The following PDPR variants were observed in gnomAD, a reference collection of about 807,000 sequenced individuals.
PDPR encodes pyruvate dehydrogenase phosphatase regulatory subunit.
Under a neutral mutation model 102.2 loss-of-function variants are expected in PDPR, and 50 were observed. The observed-to-expected ratio is 0.49, with a 90% CI of 0.39 to 0.62. The LOEUF (loss-of-function observed/expected upper bound fraction) is 0.62, where lower values mean the gene tolerates loss of function less well. Among genes scored for constraint, PDPR ranks in the 20% least tolerant of loss-of-function variants. The pLI, the probability that PDPR is intolerant of heterozygous loss-of-function variation, is 0.00. For synonymous variants in PDPR, 259 were observed against 406.0 expected (o/e 0.64, Z 4.35); for missense variants, 625 against 1,098.2 (o/e 0.57, Z 6.09).
chr16:70,132,543 CT>C (rs1196841240), intron 9 of PDPR, among the ~76,000 whole-genome samples: 167 of 148,528 alleles, frequency 1.1e-3, no homozygotes, highest in African/African-American at 2.9e-3. Context: ...CTTAGTTTTA[CT>C]TTTTTTTTTT....
intron 11 of PDPR, among the ~76,000 whole-genome samples, chr16:70,139,323 C>T (rs1373354321): frequency 1.3e-5 from 2 of 152,226 alleles, no homozygotes; most frequent in Non-Finnish European, 2.9e-5. Context: ...CCCGGTCTGC[C>T]TTGAGAGACC....
In PDPR at chr16:70,157,381, T is replaced by C; in HGVS notation, c.*502T>C. Reference sequence around the variant, plus strand: ...TGCAGCCCGGCAGCTCGTTCTCCTGTTCTGCTGTGCTGTGGGCTGGCACTC... The same window carrying C: ...TGCAGCCCGGCAGCTCGTTCTCCTGCTCTGCTGTGCTGTGGGCTGGCACTC... On this transcript the variant is annotated 3_prime_UTR_variant, in exon 19 of 19. Coordinates refer to ENST00000288050, the MANE Select transcript of PDPR (RefSeq NM_017990.5). The C allele has an allele frequency of 8.1e-6, 3 of 368,636 alleles. No homozygotes were observed. Among genetic ancestry groups the C allele is most frequent in the South Asian group, 6.1e-5 (3 of 49,030 alleles). The allele number at this position is 368,636 out of a possible 1,614,324, so 22.8% of individuals were successfully genotyped here. A position where few individuals can be genotyped will look rare whatever the true frequency, so the allele number is the denominator to read the frequency against.
At chr16:70,148,688 CTGAT>C (rs2152114140) in intron 17 of PDPR, 135 bp downstream of exon 17, 1 of 737,400 alleles carries the variant, frequency 1.4e-6, no homozygotes, top group East Asian at 2.8e-5. Flanking sequence ...AGAGCTGTAT[CTGAT>C]TGGGCCTTGG....
chr16:70,126,819 C>A (rs1964025773), intron 3 of PDPR, among the ~76,000 whole-genome samples: 1 of 152,268 alleles, frequency 6.6e-6, no homozygotes, highest in Non-Finnish European at 1.5e-5. Flanking sequence ...AGCCACTGTG[C>A]CTGGCCTAAA....
Position 70,161,952 on chromosome 16 carries a change from A to T in PDPR, c.*5073A>T, listed in dbSNP as rs888724476. 1.3e-5 allele frequency: 2 copies of T among 152,346 alleles called. No individual in the cohort carries two copies. The highest frequency in any genetic ancestry group is 6.5e-5 in the Admixed American group (1 of 15,278). 9.4% of individuals were successfully genotyped at this position (152,346 alleles called of 1,614,324 possible). On this transcript the variant is annotated 3_prime_UTR_variant, in exon 19 of 19. Coordinates refer to ENST00000288050, the MANE Select transcript of PDPR (RefSeq NM_017990.5). ...GGTTTTTTAGCATCTCTTTCAAAAG[A>T]TGTATGTCAGAATTTCCTTTGCACA...
intron 18 of PDPR, among the ~76,000 whole-genome samples, chr16:70,155,768 T>C (rs1397511249): frequency 6.6e-6 from 1 of 152,202 alleles, no homozygotes; most frequent in African/African-American, 2.4e-5. Flanking sequence ...TGAATATAGA[T>C]GTGCATGGTC....
At chr16:70,119,558 CT>C (rs1340250986) in intron 2 of PDPR, among the ~76,000 whole-genome samples, 1 of 148,592 alleles carries the variant, frequency 6.7e-6, no homozygotes, top group Non-Finnish European at 1.5e-5. Flanking sequence ...TGCCGGCCTC[CT>C]TTTTGTTCTT....
chr16:70,153,553 T>G lies in PDPR; in HGVS notation c.2215T>G (p.Ser739Ala). The change falls in exon 18 of 19, where the codon TCT becomes GCT. Residue 739 changes from serine to alanine, a missense_variant. Physicochemically the swap from Ser to Ala is moderately conservative, Grantham distance 99. Around this residue, in one of 11 missense-constraint regions of PDPR, gnomAD observed 303 missense variants for 258.9 expected, o/e 1.17. Coordinates refer to ENST00000288050, the MANE Select transcript of PDPR (RefSeq NM_017990.5). ...CACGCCCCTGGAATGTGGACGAGAG[T>G]CTCGGGTGAAATTAGAGAAGGTACT... The part of the protein sequence containing the change: ...LTTPLECGRE[S>A]RVKLEKGMDF... 2 of 1,607,152 alleles carry G rather than the reference T, an allele frequency of 1.2e-6. No homozygotes were observed. The highest frequency in any genetic ancestry group is 8.5e-7 in the Non-Finnish European group (1 of 1,177,398).
At chr16:70,116,145 C>T (rs888294737) in intron 2 of PDPR, among the ~76,000 whole-genome samples, 1 of 147,862 alleles carries the variant, frequency 6.8e-6, no homozygotes, top group Non-Finnish European at 1.5e-5. Context: ...TGGCGCGAAT[C>T]TGCCCACTGC....
chr16:70,133,119 T>TTTTTG (rs1964715220), intron 9 of PDPR, among the ~76,000 whole-genome samples: 1 of 146,922 alleles, frequency 6.8e-6, no homozygotes, highest in African/African-American at 2.5e-5. Flanking sequence ...TGCTTTTTTT[T>TTTTTG]TTTTTTTTTT....
rs572619581 is a variant in PDPR, at chr16:70,131,500, A to G, written c.847+81A>G. 5.2e-6 allele frequency: 7 copies of G among 1,356,752 alleles called. No homozygotes were observed. The African/African-American group carries it at 1.0e-4, about 20-fold the overall frequency. The allele number at this position is 1,356,752 out of a possible 1,614,324, so 84.0% of individuals were successfully genotyped here. A position where few individuals can be genotyped will look rare whatever the true frequency, so the allele number is the denominator to read the frequency against. On this transcript the variant is annotated intron_variant, in intron 8 of 18. Coordinates refer to ENST00000288050, the MANE Select transcript of PDPR (RefSeq NM_017990.5). ...TGAAAAGGAAAACTTTCTGCTAAGG[A>G]CAGCCTGTGTCTGAAAGAGTCTTTC...
At chr16:70,152,907 G>A (rs985186142) in intron 17 of PDPR, among the ~76,000 whole-genome samples, 4 of 152,282 alleles carry the variant, frequency 2.6e-5, no homozygotes, top group East Asian at 1.9e-4. Flanking sequence ...GCCGTCATCC[G>A]ATGTGTGCAC....
At position 70,156,997 on chromosome 16, in the gene PDPR, ATC is replaced by A; in HGVS notation, c.*121_*122del. On this transcript the variant is annotated 3_prime_UTR_variant, in exon 19 of 19. Transcript: ENST00000288050. ...CTGGAGCCTTTGCCTCCCATCTCTT[ATC>A]TCCTTGATATAATTTTGAACTTGAC... is the stretch of plus-strand genomic sequence containing the variant. 7.2e-7 allele frequency: 1 copy of A among 1,394,422 alleles called. No homozygotes were observed. The allele number at this position is 1,394,422 out of a possible 1,614,324, so 86.4% of individuals were successfully genotyped here. A position where few individuals can be genotyped will look rare whatever the true frequency, so the allele number is the denominator to read the frequency against.
chr16:70,120,065 T>G (rs1223910260), intron 2 of PDPR: 3 of 173,674 alleles, frequency 1.7e-5, no homozygotes, highest in Non-Finnish European at 3.7e-5. Context: ...TACAGGCACC[T>G]GCCACCATGC....
chr16:70,118,670 G>A (rs893081341), intron 2 of PDPR, among the ~76,000 whole-genome samples: 7 of 152,160 alleles, frequency 4.6e-5, no homozygotes, highest in African/African-American at 1.7e-4. Context: ...GGGCTTGAAG[G>A]AGAGGAAAGC....
Position 70,161,997 on chromosome 16 carries a change from G to A in PDPR, c.*5118G>A, listed in dbSNP as rs1015743813. ...TGCACACCAAGAACTGGAGCTTAGAGCCCCACTATTCTCTAAGCCAGGTTC... is the reference window on the plus strand; with the variant it reads ...TGCACACCAAGAACTGGAGCTTAGAACCCCACTATTCTCTAAGCCAGGTTC... On this transcript the variant is annotated 3_prime_UTR_variant, in exon 19 of 19. Coordinates refer to ENST00000288050, the MANE Select transcript of PDPR (RefSeq NM_017990.5). 3 of 152,366 alleles carry A rather than the reference G, an allele frequency of 2.0e-5. No homozygotes were observed. The highest frequency in any genetic ancestry group is 7.2e-5 in the African/African-American group (3 of 41,472). The allele number at this position is 152,366 out of a possible 1,614,324, so 9.4% of individuals were successfully genotyped here.
rs563584170 is a variant in PDPR at position 70,138,344 on chromosome 16, T to C, written c.1191-555T>C. ...AGCAATTCTCCTTCCTCAGCCTCCG[T>C]AGTAGCTGGGATTACAGGCGTGTGC... On this transcript the variant is annotated intron_variant, in intron 10 of 18. Coordinates refer to ENST00000288050, the MANE Select transcript of PDPR (RefSeq NM_017990.5). 7.9e-5 allele frequency among the ~76,000 whole-genome samples: 12 copies of C among 151,780 alleles called. No individual in the cohort carries two copies. In the South Asian group the frequency reaches 1.9e-3, roughly 24 times the overall value.
At chr16:70,156,048 C>T (rs549363756) in intron 18 of PDPR, among the ~76,000 whole-genome samples, 32 of 152,338 alleles carry the variant, frequency 2.1e-4, no homozygotes, top group African/African-American at 7.7e-4. Context: ...CTCCACCACA[C>T]CCAGCTTATT....
intron 11 of PDPR, 75 bp from the exon 12 acceptor site, chr16:70,142,159 A>C: frequency 6.7e-7 from 1 of 1,499,528 alleles, no homozygotes; most frequent in South Asian, 1.2e-5. Flanking sequence ...ACAACTCCAG[A>C]GTCTAGTGGA....
Sources: gnomAD v4.1 joint callset for allele counts (sites outside exome capture counted in the v4.1 genomes callset) on GRCh38, gnomAD v4.1.1 for gene constraint, gnomAD v4.1.1 regional missense constraint, MANE v1.5 for transcripts, NCBI Gene and HGNC (gene_info 2026-07-23, HGNC 2026-07-21) for gene names.